Variants in NCOA1 observed in about 807,000 individuals in gnomAD.
NCOA1 encodes the protein Hin-2 protein.
NCOA1 carries 35 observed loss-of-function variants against 150.9 expected under a neutral mutation model. That is an observed-to-expected ratio of 0.23 (90% CI 0.18 to 0.31). The LOEUF is 0.31. Among genes scored for constraint, NCOA1 ranks in the 10% least tolerant of loss-of-function variants. NCOA1 has a pLI of 1.00. For missense variants in NCOA1, 1,491 were observed against 1,749.3 expected (o/e 0.85, Z 2.63); for synonymous variants, 590 against 630.0 (o/e 0.94, Z 0.95).
chr2:24,573,878 T>C (rs1182131813), intron 2 of NCOA1, among the ~76,000 whole-genome samples: 1 of 141,118 alleles, frequency 7.1e-6, no homozygotes, highest in East Asian at 2.6e-4. Context: ...CTAAGACTCA[T>C]ACTGTGCTTA....
chr2:24,731,427 CATA>C (rs533566784), intron 17 of NCOA1, among the ~76,000 whole-genome samples: 14 of 152,174 alleles, frequency 9.2e-5, no homozygotes, highest in African/African-American at 3.4e-4. Flanking sequence ...AAGCTTGTAG[CATA>C]ATGCCTGGCA....
chr2:24,677,707 A>G (rs1375490707), intron 7 of NCOA1, among the ~76,000 whole-genome samples: 1 of 152,190 alleles, frequency 6.6e-6, no homozygotes, highest in African/African-American at 2.4e-5. Flanking sequence ...TACAGGCATA[A>G]GTTACCATGC....
At chr2:24,659,527 T>G (rs1449201017) in intron 5 of NCOA1, among the ~76,000 whole-genome samples, 1 of 152,198 alleles carries the variant, frequency 6.6e-6, no homozygotes, top group Non-Finnish European at 1.5e-5. Context: ...CTATTAACTT[T>G]TGATTAGTAT....
chr2:24,521,999 C>G (rs995503278), intron 1 of NCOA1, among the ~76,000 whole-genome samples: 1 of 152,064 alleles, frequency 6.6e-6, no homozygotes, highest in Admixed American at 6.6e-5. Flanking sequence ...TTCTCCCCGC[C>G]CCCCATACAT....
intron 19 of NCOA1, among the ~76,000 whole-genome samples, chr2:24,750,747 C>G (rs897167153): frequency 6.6e-6 from 1 of 151,862 alleles, no homozygotes; most frequent in African/African-American, 2.4e-5. Flanking sequence ...TAAACTGGAT[C>G]GTGGTAATGG....
chr2:24,502,888 A>G (rs1340316436), intron 1 of NCOA1, among the ~76,000 whole-genome samples: 1 of 152,138 alleles, frequency 6.6e-6, no homozygotes, highest in Non-Finnish European at 1.5e-5. Context: ...AACTCTCAGT[A>G]TTTATTTTCC....
Position 24,607,942 on chromosome 2 carries a change from A to G in NCOA1, c.-175+23382A>G, listed in dbSNP as rs1177198206. Among the ~76,000 whole-genome samples, 3 of 152,096 alleles carry G rather than the reference A, an allele frequency of 2.0e-5. No homozygotes were observed. In the East Asian group the frequency reaches 5.8e-4, roughly 29 times the overall value. On this transcript the variant is annotated intron_variant, in intron 3 of 22. Transcript: ENST00000348332. ...ATTTTCTTATTTACTGTAATACCAT[A>G]CAATACACTTTTAAGGCTGGACAAT...
intron 6 of NCOA1, among the ~76,000 whole-genome samples, chr2:24,666,229 T>A (rs1249065222): frequency 6.6e-6 from 1 of 151,942 alleles, no homozygotes; most frequent in African/African-American, 2.4e-5. Context: ...TTAGCCAGGA[T>A]GGTCTCAATC....
chr2:24,630,291 C>T (rs974049722), intron 3 of NCOA1, among the ~76,000 whole-genome samples: 1 of 152,148 alleles, frequency 6.6e-6, no homozygotes, highest in Non-Finnish European at 1.5e-5. Flanking sequence ...TACTTTTAAT[C>T]TTAATGCTAT....
intron 20 of NCOA1, among the ~76,000 whole-genome samples, chr2:24,757,474 A>T (rs1473519901): frequency 6.6e-6 from 1 of 152,194 alleles, no homozygotes; most frequent in Non-Finnish European, 1.5e-5. Context: ...AAGTGGAACA[A>T]GATACCATCA....
At chr2:24,695,039 T>A (rs945275214) in intron 10 of NCOA1, among the ~76,000 whole-genome samples, 2 of 152,134 alleles carry the variant, frequency 1.3e-5, no homozygotes, top group African/African-American at 4.8e-5. Flanking sequence ...CTAAAAGTTA[T>A]GAGGCTAATT....
At chr2:24,687,559 A>G (rs1672464781) in intron 8 of NCOA1, among the ~76,000 whole-genome samples, 1 of 152,154 alleles carries the variant, frequency 6.6e-6, no homozygotes, top group South Asian at 2.1e-4. Context: ...ACAGTTCCAC[A>G]TGGCTGGGGA....
At chr2:24,760,306 ATTTTTTTTTTT>A (rs70947842) in intron 21 of NCOA1, among the ~76,000 whole-genome samples, 1 of 99,736 alleles carries the variant, frequency 1.0e-5, no homozygotes, top group Non-Finnish European at 1.9e-5. Flanking sequence ...TGCCCGGCTA[ATTTTTTTTTTT>A]TTTTTTTTTT....
chr2:24,682,847 G>A (rs1426340010), intron 7 of NCOA1, 104 bp from the exon 8 acceptor site: 5 of 942,374 alleles, frequency 5.3e-6, no homozygotes, highest in South Asian at 1.8e-5. Flanking sequence ...CAGAGACCAG[G>A]TCTTGACATA....
chr2:24,629,202 T>TCAAAAAA, intron 3 of NCOA1, among the ~76,000 whole-genome samples: 1 of 152,184 alleles, frequency 6.6e-6, no homozygotes, highest in East Asian at 1.9e-4. Context: ...AGCAACAGTC[T>TCAAAAAA]TTTGAGAATA....
At chr2:24,606,102 G>A (rs1451349411) in intron 3 of NCOA1, among the ~76,000 whole-genome samples, 2 of 152,008 alleles carry the variant, frequency 1.3e-5, no homozygotes, top group Middle Eastern at 3.4e-3. Context: ...AAAATTTATC[G>A]GGAATGCTGA....
intron 22 of NCOA1, among the ~76,000 whole-genome samples, chr2:24,765,455 T>C (rs78264840): frequency 6.7e-5 from 10 of 149,354 alleles, no homozygotes; most frequent in Non-Finnish European, 1.3e-4. Flanking sequence ...GCCGAGATCG[T>C]GCCACTGCAC....
intron 1 of NCOA1, among the ~76,000 whole-genome samples, chr2:24,509,790 C>G (rs1420821410): frequency 6.6e-6 from 1 of 152,012 alleles, no homozygotes; most frequent in African/African-American, 2.4e-5. Context: ...AGTTCAGATT[C>G]TTTTTTCTAA....
At chr2:24,685,686 G>A (rs1230710600) in intron 8 of NCOA1, among the ~76,000 whole-genome samples, 1 of 152,206 alleles carries the variant, frequency 6.6e-6, no homozygotes, top group African/African-American at 2.4e-5. Flanking sequence ...CTCATCGTTG[G>A]TAGGAAGGTT....
Sources: gnomAD v4.1 joint callset for allele counts (sites outside exome capture counted in the v4.1 genomes callset) on GRCh38, gnomAD v4.1.1 for gene constraint, MANE v1.5 for transcripts, NCBI Gene and HGNC (gene_info 2026-07-23, HGNC 2026-07-21) for gene names.